ITGAD: variants seen among roughly 807,000 people sequenced by gnomAD.
ITGAD encodes the protein integrin alpha-D.
ITGAD carries 105 observed loss-of-function variants against 139.0 expected under a neutral mutation model. That is an observed-to-expected ratio of 0.76 (90% CI 0.65 to 0.89). The LOEUF is 0.89. Among genes scored for constraint, ITGAD ranks in the 40% least tolerant of loss-of-function variants. The pLI, the probability that ITGAD is intolerant of heterozygous loss-of-function variation, is 0.00. For synonymous variants in ITGAD, 569 were observed against 598.3 expected, an observed-to-expected ratio of 0.95 and a Z score of 0.71; for missense variants, 1,384 against 1,487.3, an observed-to-expected ratio of 0.93 and a Z score of 1.14.
chr16:31,422,138 C>T (rs1352031422), intron 23 of ITGAD, among the ~76,000 whole-genome samples: 1 of 150,594 alleles, frequency 6.6e-6, no homozygotes, highest in Non-Finnish European at 1.5e-5. Context: ...CGAGGTCTCT[C>T]TGTGTTGCCC....
chr16:31,405,823 T>G (rs995258606), intron 7 of ITGAD, among the ~76,000 whole-genome samples: 4 of 151,888 alleles, frequency 2.6e-5, no homozygotes, highest in African/African-American at 9.7e-5. Context: ...AAACATTTTT[T>G]GTAGATATGG....
Position 31,423,101 on chromosome 16 carries a change from G to T in ITGAD, c.2781-13G>T, listed in dbSNP as rs2082038321. 1 of 1,611,602 alleles carries T rather than the reference G, an allele frequency of 6.2e-7. No individual in the cohort carries two copies. The highest frequency in any genetic ancestry group is 1.3e-5 in the African/African-American group (1 of 74,864). Reference sequence around the variant, plus strand: ...TTTCAGGGCTGTTTTTCACCCACAGGCTCTCTCTCCAGGCAGGAAGAATCC... The same window carrying T: ...TTTCAGGGCTGTTTTTCACCCACAGTCTCTCTCTCCAGGCAGGAAGAATCC... On this transcript the variant is annotated splice_polypyrimidine_tract_variant and intron_variant, in intron 23 of 29. Transcript: ENST00000389202.
In ITGAD at chr16:31,423,189, C is replaced by T. The variant is rs973435025; in HGVS notation, c.2856C>T (p.Tyr952=). 1 of 1,613,370 alleles carries T rather than the reference C, an allele frequency of 6.2e-7. No homozygotes were observed. Among genetic ancestry groups the T allele is most frequent in the African/African-American group, 1.3e-5 (1 of 74,892 alleles). ...EKKMKEAEHR[Y]RVNNLSQRDL... ...AAATGAAAGAGGCTGAGCATCGATACCGTGTGAGAGTCTAGGGAGTATCCA... is the reference window on the plus strand; with the variant it reads ...AAATGAAAGAGGCTGAGCATCGATATCGTGTGAGAGTCTAGGGAGTATCCA... Residue 952 remains tyrosine, a synonymous_variant, in exon 24 of 30, where the codon TAC becomes TAT. Transcript: ENST00000389202.
chr16:31,413,033 C>T lies in ITGAD; in HGVS notation c.1839-56C>T, dbSNP rs376368898. 34 of 1,606,136 alleles carry T rather than the reference C, an allele frequency of 2.1e-5. No individual in the cohort carries two copies. In the East Asian group the frequency reaches 3.6e-4, roughly 17 times the overall value. ...TGATTCACCGGTGCTGCCTCCCCAG[C>T]CACGTTATCCTCCCAGAAGCCAGTG... On this transcript the variant is annotated intron_variant, in intron 15 of 29. Coordinates refer to ENST00000389202, the MANE Select transcript of ITGAD (RefSeq NM_005353.3).
chr16:31,405,994 T>G (rs1490925093), intron 7 of ITGAD, among the ~76,000 whole-genome samples: 1 of 152,194 alleles, frequency 6.6e-6, no homozygotes, highest in African/African-American at 2.4e-5. Flanking sequence ...TTGGGTTATT[T>G]CCAATATTGT....
intron 6 of ITGAD, chr16:31,402,468 G>T: frequency 2.6e-6 from 1 of 387,244 alleles, no homozygotes; most frequent in Non-Finnish European, 4.7e-6. Context: ...CAATGTTTCT[G>T]CTGTTTAAAA....
chr16:31,405,894 C>A (rs764246889), intron 7 of ITGAD, among the ~76,000 whole-genome samples: 1 of 152,124 alleles, frequency 6.6e-6, no homozygotes, highest in Non-Finnish European at 1.5e-5. Context: ...CCTCCTGCCT[C>A]GGCCTCCCAT....
At chr16:31,416,753 T>C (rs1392194972) in intron 20 of ITGAD, 107 bp downstream of exon 20, 2 of 1,032,338 alleles carry the variant, frequency 1.9e-6, no homozygotes, top group Non-Finnish European at 2.8e-6. Context: ...ATGTGCTCTC[T>C]CTCTCTCTCT....
intron 5 of ITGAD, among the ~76,000 whole-genome samples, chr16:31,401,496 G>A (rs2081403414): frequency 6.6e-6 from 1 of 152,158 alleles, no homozygotes; most frequent in African/African-American, 2.4e-5. Context: ...GTAGGGTGGG[G>A]TCTGGGGTGG....
rs1304209549 is a variant in ITGAD at position 31,423,100 on chromosome 16, G to A, written c.2781-14G>A. 1 of 1,611,924 alleles carries A rather than the reference G, an allele frequency of 6.2e-7. No individual in the cohort carries two copies. Among genetic ancestry groups the A allele is most frequent in the East Asian group, 2.2e-5 (1 of 44,878 alleles). The stretch of plus-strand genomic sequence containing the variant: ...GTTTCAGGGCTGTTTTTCACCCACA[G>A]GCTCTCTCTCCAGGCAGGAAGAATC... On this transcript the variant is annotated splice_polypyrimidine_tract_variant and intron_variant, in intron 23 of 29. Transcript: ENST00000389202.
chr16:31,407,265 A>T (rs1268582404), intron 7 of ITGAD, among the ~76,000 whole-genome samples: 1 of 152,204 alleles, frequency 6.6e-6, no homozygotes, highest in Non-Finnish European at 1.5e-5. Flanking sequence ...GAGGCAGGAG[A>T]ATCACTTGAA....
intron 23 of ITGAD, among the ~76,000 whole-genome samples, chr16:31,419,812 C>CAAAAAAAA: frequency 1.7e-5 from 1 of 58,266 alleles, no homozygotes; most frequent in African/African-American, 5.8e-5. Context: ...GGCTCTGTCT[C>CAAAAAAAA]AAAAAAAAAA....
rs201876527 is a variant in ITGAD, at chr16:31,411,076, A to G, written c.1357A>G (p.Ile453Val). The change falls in exon 13 of 30, where the codon ATC (isoleucine) becomes GTC (valine). Residue 453 changes from isoleucine to valine, a missense_variant and splice_region_variant. Coordinates refer to ENST00000389202, the MANE Select transcript of ITGAD (RefSeq NM_005353.3). ...RKKAEVTGTQ[I>V]GSYFGASLCS... ...GCATGACCCAGGCTCTGCCCTCCAGATCGGCTCCTACTTCGGGGCCTCCCT... is the reference window on the plus strand; with the variant it reads ...GCATGACCCAGGCTCTGCCCTCCAGGTCGGCTCCTACTTCGGGGCCTCCCT... 4 of 1,612,112 alleles carry G rather than the reference A, an allele frequency of 2.5e-6. No homozygotes were observed. The highest frequency in any genetic ancestry group is 3.4e-6 in the Non-Finnish European group (4 of 1,179,866).
chr16:31,398,489 C>T (rs1357230288), intron 5 of ITGAD, among the ~76,000 whole-genome samples: 2 of 150,216 alleles, frequency 1.3e-5, no homozygotes, highest in East Asian at 3.9e-4. Context: ...CCACACCCTG[C>T]TAATTTTTTT....
chr16:31,424,008 G>A (rs2082060968), intron 27 of ITGAD, 50 bp downstream of exon 27: 1 of 1,609,632 alleles, frequency 6.2e-7, no homozygotes, highest in Admixed American at 1.7e-5. Flanking sequence ...GGCAGGACCT[G>A]GCATGTCTGT....
intron 25 of ITGAD, 40 bp from the exon 26 acceptor site, chr16:31,423,531 G>A (rs1463096329): frequency 1.2e-6 from 2 of 1,604,988 alleles, no homozygotes; most frequent in African/African-American, 2.7e-5. Context: ...CCAGGGACAT[G>A]TTGCTCATTC....
intron 1 of ITGAD, among the ~76,000 whole-genome samples, chr16:31,393,764 C>G (rs554678923): frequency 6.6e-6 from 1 of 152,214 alleles, no homozygotes; most frequent in East Asian, 1.9e-4. Context: ...CCTGTTTCCC[C>G]CAAGTCCTGA....
chr16:31,425,740 T>A (rs2082101903), intron 29 of ITGAD, among the ~76,000 whole-genome samples: 1 of 151,784 alleles, frequency 6.6e-6, no homozygotes, highest in Non-Finnish European at 1.5e-5. Context: ...TGGAGTGCAG[T>A]GGCATGATCT....
At chr16:31,419,224 C>T (rs2081961989) in intron 23 of ITGAD, among the ~76,000 whole-genome samples, 1 of 150,654 alleles carries the variant, frequency 6.6e-6, no homozygotes, top group Non-Finnish European at 1.5e-5. Context: ...GTGTTTTTGT[C>T]AACAGTGGAC....
Sources: allele counts gnomAD v4.1 joint callset (sites outside exome capture counted in the v4.1 genomes callset), GRCh38; gene constraint gnomAD v4.1.1; transcripts MANE v1.5; gene names NCBI Gene and HGNC (gene_info 2026-07-23, HGNC 2026-07-21).